The following AGFG2 variants were observed in gnomAD, a reference collection of about 807,000 sequenced individuals.
AGFG2 encodes ArfGAP with FG repeats 2, also known as arf-GAP domain and FG repeat-containing protein 2.
In AGFG2, 31 loss-of-function variants were observed where a neutral mutation model predicts 48.0. That is an observed-to-expected ratio of 0.65 (90% CI 0.49 to 0.87). AGFG2 has a LOEUF of 0.87. Ranked by LOEUF, AGFG2 falls within the 40% of genes least tolerant of loss-of-function variation. AGFG2 has a pLI of 0.00. For synonymous variants in AGFG2, 229 were observed against 260.8 expected (o/e 0.88, Z 1.18); for missense variants, 599 against 632.6 (o/e 0.95, Z 0.57).
Position 100,562,517 on chromosome 7 carries a change from T to G in AGFG2, c.999-77T>G, listed in dbSNP as rs1800898774. The G allele has an allele frequency of 3.7e-6, 6 of 1,606,158 alleles. No homozygotes were observed. Among genetic ancestry groups the G allele is most frequent in the Non-Finnish European group, 5.1e-6 (6 of 1,174,994 alleles). On this transcript the variant is annotated intron_variant, in intron 7 of 11. Coordinates refer to ENST00000300176, the MANE Select transcript of AGFG2 (RefSeq NM_006076.5). This position sits in a 1 kb window ranked among gnomAD's most constrained non-coding sequence, Gnocchi z 5.4. Reference sequence around the variant, plus strand: ...CCCTTACTCACCCTGGAGAGCAGGGTTGGCATCTCCTGGCCCCTTGCTCAG... The same window carrying G: ...CCCTTACTCACCCTGGAGAGCAGGGGTGGCATCTCCTGGCCCCTTGCTCAG...
chr7:100,539,418 G>T lies in AGFG2; in HGVS notation c.72G>T (p.Ala24=). The T allele has an allele frequency of 1.5e-6, 2 of 1,319,374 alleles. No individual in the cohort carries two copies. Among genetic ancestry groups the T allele is most frequent in the Non-Finnish European group, 1.9e-6 (2 of 1,031,040 alleles). 81.7% of individuals were successfully genotyped at this position (1,319,374 alleles called of 1,614,324 possible). A position where few individuals can be genotyped will look rare whatever the true frequency, so the allele number is the denominator to read the frequency against. ...GCGGGGGCAAGGCGGAGGCGGAGGC[G>T]GCCTCGGAGGTGTGGTGCCGTCGGG... ...GVSGGKAEAE[A]ASEVWCRRVR... is the part of the protein sequence containing the mutation. Residue 24 remains alanine (A), a synonymous_variant, in exon 1 of 12, where the codon GCG becomes GCT. Coordinates refer to ENST00000300176, the MANE Select transcript of AGFG2 (RefSeq NM_006076.5).
chr7:100,548,318 G>A (rs561093243), intron 1 of AGFG2, among the ~76,000 whole-genome samples: 1 of 151,902 alleles, frequency 6.6e-6, no homozygotes, highest in African/African-American at 2.4e-5. Flanking sequence ...GGGTTGGAGG[G>A]GGGTGGTGGG....
intron 3 of AGFG2, 45 bp from the exon 4 acceptor site, chr7:100,553,302 A>G: frequency 1.9e-6 from 3 of 1,611,200 alleles, no homozygotes; most frequent in Non-Finnish European, 2.5e-6. Context: ...AGCGTGGTCC[A>G]AAGTTTTATC....
intron 1 of AGFG2, among the ~76,000 whole-genome samples, chr7:100,540,978 C>T (rs180869481): frequency 5.8e-4 from 78 of 133,904 alleles, no homozygotes; most frequent in African/African-American, 2.1e-3. Flanking sequence ...CGCCACTGCA[C>T]TTCAGCCTGG....
intron 1 of AGFG2, among the ~76,000 whole-genome samples, chr7:100,547,896 T>C (rs1318603105): frequency 6.6e-6 from 1 of 152,192 alleles, no homozygotes. Flanking sequence ...ACCCTCTCCA[T>C]CCCACCACCA....
At chr7:100,552,906 T>C (rs1377245780) in intron 3 of AGFG2, among the ~76,000 whole-genome samples, 2 of 151,976 alleles carry the variant, frequency 1.3e-5, no homozygotes, top group East Asian at 3.9e-4. Flanking sequence ...TCCCAGAACT[T>C]TGGAGGCTAA....
At chr7:100,551,029 T>TA (rs1800621284) in intron 3 of AGFG2, among the ~76,000 whole-genome samples, 2 of 68,514 alleles carry the variant, frequency 2.9e-5, no homozygotes, top group African/African-American at 6.7e-5. Context: ...GCCTGGCTAA[T>TA]TTATATATAT....
intron 1 of AGFG2, among the ~76,000 whole-genome samples, chr7:100,548,621 G>A (rs1433013231): frequency 6.6e-6 from 1 of 152,068 alleles, no homozygotes; most frequent in Non-Finnish European, 1.5e-5. Flanking sequence ...CCTCTCTTTG[G>A]AGACTTCTAA....
Position 100,564,796 on chromosome 7 carries a change from G to A in AGFG2, c.1387-136G>A, listed in dbSNP as rs1584393759. ...TGGGATTACAGGCATGAGCTACCGT[G>A]CCTGGCCTTTTCTCCCTCACTTTCC... On this transcript the variant is annotated intron_variant, in intron 11 of 11. Coordinates refer to ENST00000300176, the MANE Select transcript of AGFG2 (RefSeq NM_006076.5). 1.0e-5 allele frequency: 10 copies of A among 975,114 alleles called. No homozygotes were observed. The East Asian group carries it at 2.4e-4, about 23-fold the overall frequency. The allele number at this position is 975,114 out of a possible 1,614,324, so 60.4% of individuals were successfully genotyped here.
intron 3 of AGFG2, among the ~76,000 whole-genome samples, chr7:100,551,138 C>T (rs1273051214): frequency 2.1e-5 from 3 of 141,710 alleles, no homozygotes; most frequent in Admixed American, 7.1e-5. Context: ...GGCGTGATCT[C>T]GGCTCACTCC....
Position 100,539,258 on chromosome 7 carries a change from A to G in AGFG2, c.-89A>G. On this transcript the variant is annotated 5_prime_UTR_variant, in exon 1 of 12. Transcript: ENST00000300176. ...CCCGCTCCCGAGCTTCTGTCAGGGG[A>G]GCCGGGCGTGCGGAGGCGGCTGAGG... The G allele has an allele frequency of 8.2e-7, 1 of 1,225,352 alleles. No homozygotes were observed. The allele number at this position is 1,225,352 out of a possible 1,614,324, so 75.9% of individuals were successfully genotyped here. A position where few individuals can be genotyped will look rare whatever the true frequency, so the allele number is the denominator to read the frequency against.
chr7:100,562,817 G>C lies in AGFG2; in HGVS notation c.1088-46G>C. 1.9e-6 allele frequency: 3 copies of C among 1,608,024 alleles called. No individual in the cohort carries two copies. The highest frequency in any genetic ancestry group is 1.1e-5 in the South Asian group (1 of 90,890). On this transcript the variant is annotated intron_variant, in intron 8 of 11. Transcript: ENST00000300176. The surrounding 1 kb of genome is among the most constrained non-coding windows in gnomAD (Gnocchi z 5.4). ...CAGGATGAAGCACGTGAGAAAAAAA[G>C]TAACCATCTCTCTCTTTCCTGCCGC... is the stretch of plus-strand genomic sequence containing the variant.
intron 3 of AGFG2, among the ~76,000 whole-genome samples, chr7:100,551,531 A>AGCC (rs1260875001): frequency 1.3e-5 from 2 of 151,638 alleles, no homozygotes. Context: ...ATGTACAGTC[A>AGCC]GCCCTCTGTA....
At chr7:100,544,463 A>G (rs1323715435) in intron 1 of AGFG2, among the ~76,000 whole-genome samples, 2 of 152,044 alleles carry the variant, frequency 1.3e-5, no homozygotes, top group Non-Finnish European at 2.9e-5. Flanking sequence ...TCTCCATGGG[A>G]GGAAAGGTAC....
intron 6 of AGFG2, among the ~76,000 whole-genome samples, chr7:100,558,611 G>A (rs28659800): frequency 7.3e-5 from 11 of 150,190 alleles, no homozygotes; most frequent in Admixed American, 1.3e-4. Flanking sequence ...GCACAATCTC[G>A]GCTCACTGCA....
chr7:100,551,067 T>TATATATATATATATATATATATA (rs1562791931), intron 3 of AGFG2, among the ~76,000 whole-genome samples: 3 of 96,776 alleles, frequency 3.1e-5, no homozygotes, highest in African/African-American at 4.3e-5. Flanking sequence ...TATATATATA[T>TATATATATATATATATATATATA]TTCTTTTTTT....
chr7:100,550,877 T>C (rs568884259), intron 3 of AGFG2, among the ~76,000 whole-genome samples: 142 of 149,416 alleles, frequency 9.5e-4, no homozygotes, highest in African/African-American at 3.3e-3. Context: ...TTTTTTTTTT[T>C]TGAGACAAGG....
chr7:100,549,687 AT>A (rs1800586188), intron 2 of AGFG2, among the ~76,000 whole-genome samples: 1 of 151,740 alleles, frequency 6.6e-6, no homozygotes. Flanking sequence ...TTATTTATTT[AT>A]TTATTTATTT....
At chr7:100,563,666 G>T (rs1800930592) in intron 9 of AGFG2, among the ~76,000 whole-genome samples, 168 bp from the exon 10 acceptor site, 1 of 152,200 alleles carries the variant, frequency 6.6e-6, no homozygotes, top group Non-Finnish European at 1.5e-5. Flanking sequence ...GAGAGGGCAG[G>T]GTTGTTTGGT....
Sources: gnomAD v4.1 joint callset for allele counts (sites outside exome capture counted in the v4.1 genomes callset) on GRCh38, gnomAD v4.1.1 for gene constraint, Gnocchi (gnomAD v3.1) non-coding constraint, MANE v1.5 for transcripts, NCBI Gene and HGNC (gene_info 2026-07-23, HGNC 2026-07-21) for gene names.